Variants in TCF4 observed in about 807,000 individuals in gnomAD.
TCF4 encodes the protein transcription factor 4, also known as SL3-3 enhancer factor 2.
In TCF4, 3 loss-of-function variants were observed where a neutral mutation model predicts 82.1. That is an observed-to-expected ratio of 0.04 (90% confidence interval 0.02 to 0.09). The LOEUF is 0.09. Among genes scored for constraint, TCF4 ranks in the 10% least tolerant of loss-of-function variants. TCF4 has a pLI of 1.00. For missense variants in TCF4, 518 were observed against 852.7 expected (o/e 0.61, Z 4.89); for synonymous variants, 276 against 309.6 (o/e 0.89, Z 1.14).
intron 6 of TCF4, among the ~76,000 whole-genome samples, chr18:55,377,754 C>T (rs528976070): frequency 6.6e-6 from 1 of 152,270 alleles, no homozygotes; most frequent in African/African-American, 2.4e-5. Context: ...TGAACATCTA[C>T]AAAAATAATC....
At chr18:55,570,611 G>T (rs1441441589) in intron 3 of TCF4, among the ~76,000 whole-genome samples, 1 of 152,088 alleles carries the variant, frequency 6.6e-6, no homozygotes, top group Non-Finnish European at 1.5e-5. Context: ...GCCCTGTGTG[G>T]TGGCTCATGC....
intron 8 of TCF4, chr18:55,302,390 C>A: frequency 6.5e-7 from 1 of 1,535,500 alleles, no homozygotes; most frequent in Non-Finnish European, 8.7e-7. Context: ...TCAGGATAGA[C>A]CACTTTGGGG....
chr18:55,275,727 C>G lies in TCF4; in HGVS notation c.681G>C (p.Trp227Cys). ...GCTGATTCATCCCACTGGAGGAGCTCCAAGGGTCACTGCTGTGATGGCCAT... is the reference window on the plus strand; with the variant it reads ...GCTGATTCATCCCACTGGAGGAGCTGCAAGGGTCACTGCTGTGATGGCCAT... ...MQDGHHSSDPWSSSSGMNQPG... is the reference protein window; with the variant it reads ...MQDGHHSSDPCSSSSGMNQPG... Residue 227 changes from tryptophan to cysteine, a missense_variant, in exon 10 of 20, where the codon TGG becomes TGC. Physicochemically the swap from Trp to Cys is radical, Grantham distance 215 (BLOSUM62 -2). This residue lies in a region of TCF4 where 211 missense variants were observed against 327.4 expected (regional missense o/e 0.64). Transcript: ENST00000354452. The G allele has an allele frequency of 1.2e-6, 2 of 1,613,842 alleles. No homozygotes were observed. Among genetic ancestry groups the G allele is most frequent in the Non-Finnish European group, 1.7e-6 (2 of 1,179,776 alleles).
intron 8 of TCF4, chr18:55,321,211 A>T: frequency 5.3e-6 from 1 of 188,456 alleles, no homozygotes; most frequent in Non-Finnish European, 1.1e-5. Flanking sequence ...CCAACTTAGT[A>T]AGACTTTAGA....
chr18:55,268,993 T>G (rs1192664753), intron 11 of TCF4: 1 of 152,234 alleles, frequency 6.6e-6, no homozygotes, highest in East Asian at 1.9e-4. Context: ...GTGTCAAAGC[T>G]GGTTCAGAAG....
At chr18:55,482,074 C>T (rs574560076) in intron 3 of TCF4, 1 of 152,308 alleles carries the variant, frequency 6.6e-6, no homozygotes, top group Admixed American at 6.5e-5. Context: ...AAAACTTCAA[C>T]AGGTATCAGG....
intron 17 of TCF4, chr18:55,231,882 C>A (rs116278634): frequency 1.3e-5 from 2 of 152,218 alleles, no homozygotes; most frequent in South Asian, 2.1e-4. Flanking sequence ...GCAAAGTACA[C>A]GGGTGTTGGT....
rs2059980545 is a variant in TCF4, at chr18:55,269,876, T to C, written c.877A>G (p.Thr293Ala). 6 of 1,613,224 alleles carry C rather than the reference T, an allele frequency of 3.7e-6. No individual in the cohort carries two copies. Among genetic ancestry groups the C allele is most frequent in the East Asian group, 4.5e-5 (2 of 44,808 alleles). The change falls in exon 11 of 20, where the codon ACC becomes GCC. Residue 293 changes from threonine to alanine, a missense_variant. Transcript: ENST00000354452. Reference protein sequence around the residue: ...FHRSGTNHYSTSSCTPPANGT... With the variant: ...FHRSGTNHYSASSCTPPANGT... ...TTGGCAGGAGGCGTACAGGAAGAGG[T>C]GCTGTAATGGTTTGTACCACTACGA...
At chr18:55,601,011 G>A (rs577347035) in intron 2 of TCF4, among the ~76,000 whole-genome samples, 44 of 152,172 alleles carry the variant, frequency 2.9e-4, no homozygotes, top group Non-Finnish European at 4.7e-4. Context: ...TCTGATATCC[G>A]CAGGAAGGCC....
chr18:55,479,509 T>C (rs1382573809), intron 3 of TCF4, among the ~76,000 whole-genome samples: 1 of 152,214 alleles, frequency 6.6e-6, no homozygotes, highest in Non-Finnish European at 1.5e-5. Context: ...TTTGCAGTCA[T>C]GGGATCATAT....
chr18:55,489,850 C>T (rs2096557292), intron 3 of TCF4, among the ~76,000 whole-genome samples: 1 of 152,098 alleles, frequency 6.6e-6, no homozygotes, highest in Non-Finnish European at 1.5e-5. Flanking sequence ...AATATCAAAA[C>T]AAAACACTTC....
intron 8 of TCF4, among the ~76,000 whole-genome samples, chr18:55,289,609 C>T (rs920899964): frequency 1.3e-5 from 2 of 152,144 alleles, no homozygotes; most frequent in African/African-American, 4.8e-5. Context: ...ATGACGACTA[C>T]TGCTTCATTA....
chr18:55,277,779 T>A (rs2146211935), intron 9 of TCF4, among the ~76,000 whole-genome samples: 1 of 152,280 alleles, frequency 6.6e-6, no homozygotes, highest in South Asian at 2.1e-4. Flanking sequence ...AAATATATCC[T>A]TCCGTCAATG....
intron 3 of TCF4, among the ~76,000 whole-genome samples, chr18:55,577,155 TATGTATATATAC>T (rs1568443247): frequency 6.9e-6 from 1 of 144,528 alleles, no homozygotes; most frequent in Non-Finnish European, 1.5e-5. Context: ...TATATTTATA[TATGTATATATAC>T]ATTTATATAT....
intron 8 of TCF4, among the ~76,000 whole-genome samples, chr18:55,326,517 A>G (rs925542554): frequency 6.6e-6 from 1 of 151,988 alleles, no homozygotes; most frequent in South Asian, 2.1e-4. Context: ...ACTCTTCCCA[A>G]TGGAGCAAAG....
At chr18:55,509,405 G>A (rs1021406177) in intron 3 of TCF4, among the ~76,000 whole-genome samples, 3 of 151,808 alleles carry the variant, frequency 2.0e-5, no homozygotes, top group Non-Finnish European at 2.9e-5. Flanking sequence ...TGGTAGTATC[G>A]CTACTTGTTT....
intron 8 of TCF4, among the ~76,000 whole-genome samples, chr18:55,294,644 G>A (rs1282026630): frequency 8.5e-5 from 13 of 152,322 alleles, no homozygotes; most frequent in Non-Finnish European, 2.9e-5. Context: ...AGATGTGAAA[G>A]GTATCACGCT....
chr18:55,350,500 T>A, intron 7 of TCF4, 92 bp from the exon 8 acceptor site: 1 of 1,305,438 alleles, frequency 7.7e-7, no homozygotes, highest in Admixed American at 1.7e-5. Context: ...TGATACCACA[T>A]TTCCTTAAAT....
intron 5 of TCF4, among the ~76,000 whole-genome samples, chr18:55,455,554 C>T (rs894867935): frequency 6.8e-5 from 10 of 148,020 alleles, no homozygotes; most frequent in African/African-American, 2.5e-4. Flanking sequence ...AAAAGAAGCA[C>T]ACCAAGATGT....
Sources: gnomAD v4.1 joint callset for allele counts (sites outside exome capture counted in the v4.1 genomes callset) on GRCh38, gnomAD v4.1.1 for gene constraint, gnomAD v4.1.1 regional missense constraint, MANE v1.5 for transcripts, NCBI Gene and HGNC (gene_info 2026-07-23, HGNC 2026-07-21) for gene names.